PCDH9: variants seen among roughly 807,000 people sequenced by gnomAD.
The protein encoded by PCDH9 is protocadherin-9.
PCDH9 carries 24 observed loss-of-function variants against 70.6 expected under a neutral mutation model. The ratio of observed to expected loss-of-function variants is 0.34; its 90% confidence interval spans 0.25 to 0.48. The LOEUF (loss-of-function observed/expected upper bound fraction) is 0.48, where lower values mean the gene tolerates loss of function less well. Among genes scored for constraint, PCDH9 ranks in the 20% least tolerant of loss-of-function variants. The pLI is 0.99. For missense variants in PCDH9, 1,281 were observed against 1,503.6 expected (o/e 0.85, Z 2.45); for synonymous variants, 562 against 558.5 (o/e 1.01, Z -0.09).
chr13:66,672,569 C>T (rs989460636), intron 3 of PCDH9, among the ~76,000 whole-genome samples: 2 of 152,142 alleles, frequency 1.3e-5, no homozygotes, highest in Non-Finnish European at 2.9e-5. Context: ...TCCTCCAGAC[C>T]CCAGAATGGT....
chr13:66,919,336 A>T (rs967737539), intron 2 of PCDH9, among the ~76,000 whole-genome samples: 1 of 151,234 alleles, frequency 6.6e-6, no homozygotes, highest in African/African-American at 2.4e-5. Flanking sequence ...ATTCAAGCTT[A>T]CACCTTCCTT....
intron 4 of PCDH9, among the ~76,000 whole-genome samples, chr13:66,541,111 CCTT>C (rs535521493): frequency 1.8e-3 from 278 of 152,264 alleles, no homozygotes; most frequent in African/African-American, 6.3e-3. Context: ...ATCCCTTCCT[CCTT>C]CTAACTATAA....
chr13:67,116,733 A>G (rs1417210984), intron 2 of PCDH9, among the ~76,000 whole-genome samples: 2 of 152,202 alleles, frequency 1.3e-5, no homozygotes, highest in African/African-American at 2.4e-5. Flanking sequence ...ACAAGATACT[A>G]TAAAAATCAT....
chr13:66,634,647 T>C (rs149264807), intron 3 of PCDH9, among the ~76,000 whole-genome samples: 52 of 152,238 alleles, frequency 3.4e-4, no homozygotes, highest in East Asian at 1.3e-3. Flanking sequence ...ACATAGTAGA[T>C]AGTGTTCCTG....
At chr13:67,149,577 A>G (rs2087607649) in intron 2 of PCDH9, among the ~76,000 whole-genome samples, 1 of 152,138 alleles carries the variant, frequency 6.6e-6, no homozygotes, top group Non-Finnish European at 1.5e-5. Flanking sequence ...AAGGGAAAAT[A>G]AAACTGTAAA....
Position 67,094,481 on chromosome 13 carries a change from T to C in PCDH9, c.3036+130924A>G, listed in dbSNP as rs144577876. On this transcript the variant is annotated intron_variant, in intron 2 of 4. Coordinates refer to ENST00000377865, the MANE Select transcript of PCDH9 (RefSeq NM_203487.3). ...TCTCTGCTGTCAATATTTTGTAGTA[T>C]TTAATACTGACTCCTACCCTTAGAA... Among the ~76,000 whole-genome samples the C allele has an allele frequency of 5.9e-5, 9 of 152,294 alleles. No individual in the cohort carries two copies. The East Asian group carries it at 1.5e-3, about 26-fold the overall frequency.
chr13:66,311,525 C>T (rs538299148), intron 4 of PCDH9, among the ~76,000 whole-genome samples: 63 of 152,042 alleles, frequency 4.1e-4, no homozygotes, highest in African/African-American at 1.4e-3. Flanking sequence ...TTGATAGACA[C>T]CCTAATATCC....
At chr13:66,859,862 C>T (rs955268147) in intron 3 of PCDH9, among the ~76,000 whole-genome samples, 2 of 152,096 alleles carry the variant, frequency 1.3e-5, no homozygotes, top group Non-Finnish European at 2.9e-5. Flanking sequence ...CCTACTAATA[C>T]AAAAGTTAAC....
chr13:66,434,346 C>T lies in PCDH9; in HGVS notation c.3341-129318G>A, dbSNP rs549918954. On this transcript the variant is annotated intron_variant, in intron 4 of 4. Coordinates refer to ENST00000377865, the MANE Select transcript of PCDH9 (RefSeq NM_203487.3). ...TTCAGGTAATTTTTGTTCTTACTTT[C>T]GGTAAATTTCAGTCTTTAGAAAGTA... Among the ~76,000 whole-genome samples, 68 of 151,954 alleles carry T rather than the reference C, an allele frequency of 4.5e-4. 1 individual carries two copies. The South Asian group carries it at 0.012, about 27-fold the overall frequency.
chr13:66,921,041 T>C (rs1259722499), intron 2 of PCDH9, among the ~76,000 whole-genome samples: 1 of 151,150 alleles, frequency 6.6e-6, no homozygotes, highest in Non-Finnish European at 1.5e-5. Context: ...AGATGATCAA[T>C]GCTTATACTG....
chr13:66,833,284 T>C (rs75411018), intron 3 of PCDH9, among the ~76,000 whole-genome samples: 1 of 152,198 alleles, frequency 6.6e-6, no homozygotes, highest in Non-Finnish European at 1.5e-5. Flanking sequence ...AATCTCTTCA[T>C]TGGATTCCAT....
At chr13:66,718,638 G>A (rs2078901919) in intron 3 of PCDH9, among the ~76,000 whole-genome samples, 1 of 152,174 alleles carries the variant, frequency 6.6e-6, no homozygotes, top group Non-Finnish European at 1.5e-5. Flanking sequence ...TATCTAGAAA[G>A]TGTATGGTTA....
chr13:66,649,946 A>C (rs754349851), intron 3 of PCDH9, among the ~76,000 whole-genome samples: 2 of 151,772 alleles, frequency 1.3e-5, no homozygotes, highest in Admixed American at 6.6e-5. Context: ...TGGAAGCCTC[A>C]TAGTAACCTC....
chr13:67,186,853 T>C (rs2088773069), intron 2 of PCDH9, among the ~76,000 whole-genome samples: 2 of 152,158 alleles, frequency 1.3e-5, no homozygotes, highest in African/African-American at 2.4e-5. Flanking sequence ...GGAAAATTCA[T>C]GGGCTTTATA....
At chr13:66,475,088 TA>T (rs1238581710) in intron 4 of PCDH9, among the ~76,000 whole-genome samples, 1 of 152,096 alleles carries the variant, frequency 6.6e-6, no homozygotes, top group East Asian at 1.9e-4. Context: ...ATTAGTTATA[TA>T]AAATTTCTGA....
At chr13:66,848,424 TAATC>T (rs897000471) in intron 3 of PCDH9, among the ~76,000 whole-genome samples, 11 of 152,352 alleles carry the variant, frequency 7.2e-5, no homozygotes, top group Admixed American at 3.3e-4. Context: ...TGTTAGAACT[TAATC>T]AATCAAACAT....
chr13:66,891,822 T>G (rs968674905), intron 3 of PCDH9, among the ~76,000 whole-genome samples: 5 of 152,008 alleles, frequency 3.3e-5, no homozygotes, highest in South Asian at 4.1e-4. Context: ...TTCCATTTTT[T>G]TTTTGTTTTG....
chr13:66,675,045 T>C (rs934052704), intron 3 of PCDH9, among the ~76,000 whole-genome samples: 2 of 152,166 alleles, frequency 1.3e-5, no homozygotes, highest in African/African-American at 4.8e-5. Flanking sequence ...TTATGCAGTT[T>C]GCTTAGTCTT....
intron 3 of PCDH9, among the ~76,000 whole-genome samples, chr13:66,897,800 A>G (rs151046942): frequency 1.3e-5 from 2 of 152,236 alleles, no homozygotes; most frequent in African/African-American, 2.4e-5. Context: ...TTATCTCTAT[A>G]TAACACACAT....
Sources: gnomAD v4.1 joint callset for allele counts (sites outside exome capture counted in the v4.1 genomes callset) on GRCh38, gnomAD v4.1.1 for gene constraint, MANE v1.5 for transcripts, NCBI Gene and HGNC (gene_info 2026-07-23, HGNC 2026-07-21) for gene names.